RAD51B: variants seen among roughly 807,000 people sequenced by gnomAD.
RAD51B encodes the protein RAD51 paralog B, also known as DNA repair protein RAD51 homolog 2.
RAD51B carries 38 observed loss-of-function variants against 42.2 expected under a neutral mutation model. The observed-to-expected ratio is 0.90, with a 90% CI of 0.70 to 1.18. RAD51B has a LOEUF of 1.18. Ranked by LOEUF, RAD51B falls within the 50% of genes most tolerant of loss-of-function variation. The pLI is 0.00. For missense variants in RAD51B, 373 were observed against 400.7 expected, an observed-to-expected ratio of 0.93 and a Z score of 0.59; for synonymous variants, 154 against 145.2, an observed-to-expected ratio of 1.06 and a Z score of -0.43.
At chr14:68,504,873 G>A (rs1281399955) in intron 10 of RAD51B, among the ~76,000 whole-genome samples, 7 of 151,914 alleles carry the variant, frequency 4.6e-5, no homozygotes, top group African/African-American at 1.7e-4. Context: ...CTCATTTCTT[G>A]TTCTTAATTT....
chr14:68,478,853 T>C (rs1882935047), downstream of RAD51B, among the ~76,000 whole-genome samples: 1 of 152,222 alleles, frequency 6.6e-6, no homozygotes, highest in South Asian at 2.1e-4. Context: ...TCAGTATTTG[T>C]TGAGCGCATA....
intron 7 of RAD51B, among the ~76,000 whole-genome samples, chr14:68,243,445 G>A (rs2080433320): frequency 6.6e-6 from 1 of 151,942 alleles, no homozygotes; most frequent in East Asian, 1.9e-4. Context: ...GAGTAACATC[G>A]CTATTAAATT....
In RAD51B at chr14:68,413,217, G is replaced by A. The variant is rs113056680; in HGVS notation, c.957+1690G>A. Among the ~76,000 whole-genome samples the A allele has an allele frequency of 6.0e-3, 908 of 152,280 alleles. 7 individuals carry two copies. The highest frequency in any genetic ancestry group is 0.02 in the African/African-American group (833 of 41,572). On this transcript the variant is annotated intron_variant, in intron 9 of 10. Transcript: ENST00000471583. ...AGTCAGTGTCAACAGGAAGTAGCTG[G>A]TAGGACAAATGCTATTTTTTATGTC...
intron 7 of RAD51B, among the ~76,000 whole-genome samples, chr14:67,983,896 T>C (rs937854027): frequency 3.3e-5 from 5 of 151,990 alleles, no homozygotes; most frequent in Non-Finnish European, 7.4e-5. Flanking sequence ...AGTTATATAA[T>C]TTAGGCAAGC....
chr14:68,188,244 T>A lies in RAD51B; in HGVS notation c.757-103640T>A, dbSNP rs755358936. Among the ~76,000 whole-genome samples, 125 of 152,188 alleles carry A rather than the reference T, an allele frequency of 8.2e-4. 1 individual carries two copies. Among genetic ancestry groups the A allele is most frequent in the Admixed American group, 1.6e-3 (24 of 15,296 alleles). On this transcript the variant is annotated intron_variant, in intron 7 of 10. Coordinates refer to ENST00000471583, the MANE Select transcript of RAD51B (RefSeq NM_133510.4). ...TAAAAAGGAGAGCTGGATAGTGATT[T>A]CTTTTTTTTTTTCTTTGTTGTTCTT...
intron 6 of RAD51B, 82 bp from the exon 7 acceptor site, chr14:67,886,939 A>C (rs2043077056): frequency 2.3e-6 from 2 of 870,334 alleles, no homozygotes; most frequent in Non-Finnish European, 3.3e-6. Flanking sequence ...TATTGTTTTT[A>C]AGTTGCTTAG....
chr14:67,955,618 T>C (rs1296892391), intron 7 of RAD51B, among the ~76,000 whole-genome samples: 1 of 152,212 alleles, frequency 6.6e-6, no homozygotes, highest in Non-Finnish European at 1.5e-5. Flanking sequence ...ATTTTCAGAA[T>C]TGGTGATGAT....
At chr14:68,264,217 T>G (rs2080941315) in intron 7 of RAD51B, among the ~76,000 whole-genome samples, 1 of 152,256 alleles carries the variant, frequency 6.6e-6, no homozygotes, top group Non-Finnish European at 1.5e-5. Flanking sequence ...CTGTTTTGAC[T>G]AGCTGGTACT....
At chr14:68,432,022 C>T (rs940702744) in intron 9 of RAD51B, among the ~76,000 whole-genome samples, 3 of 152,208 alleles carry the variant, frequency 2.0e-5, no homozygotes, top group African/African-American at 7.2e-5. Flanking sequence ...AGTAGTCATT[C>T]AGCAGCAGGT....
At chr14:68,289,035 T>A (rs1488738881) in intron 7 of RAD51B, among the ~76,000 whole-genome samples, 1 of 152,178 alleles carries the variant, frequency 6.6e-6, no homozygotes, top group Non-Finnish European at 1.5e-5. Flanking sequence ...CACAAATTCT[T>A]TGCAATTAAA....
chr14:68,599,503 A>T (rs1363860187), downstream of RAD51B, among the ~76,000 whole-genome samples: 1 of 152,032 alleles, frequency 6.6e-6, no homozygotes, highest in Non-Finnish European at 1.5e-5. Flanking sequence ...TGACTCTAAG[A>T]CCTAAGAACT....
chr14:68,678,281 AC>A (rs1872822656), intron 11 of RAD51B, among the ~76,000 whole-genome samples: 1 of 151,874 alleles, frequency 6.6e-6, no homozygotes, highest in South Asian at 2.1e-4. Context: ...CTTTGACAAC[AC>A]CCTTACCTCC....
intron 7 of RAD51B, among the ~76,000 whole-genome samples, chr14:67,952,589 T>TAAA (rs1051690188): frequency 2.0e-5 from 3 of 151,790 alleles, no homozygotes; most frequent in African/African-American, 4.8e-5. Context: ...ATGCTATAGC[T>TAAA]GCTTTCTTCA....
At position 67,895,495 on chromosome 14, in the gene RAD51B, T is replaced by C. The variant is rs149095513; in HGVS notation, c.756+8291T>C. ...CATATGGGTACATACCATTGCTACA[T>C]CATTTTCCCAAAGTGTATTTCTGAT... On this transcript the variant is annotated intron_variant, in intron 7 of 10. Coordinates refer to ENST00000471583, the MANE Select transcript of RAD51B (RefSeq NM_133510.4). Among the ~76,000 whole-genome samples, 324 of 152,342 alleles carry C rather than the reference T, an allele frequency of 2.1e-3. 2 individuals are homozygous for C. Among genetic ancestry groups the C allele is most frequent in the Non-Finnish European group, 3.8e-3 (261 of 68,028 alleles).
intron 7 of RAD51B, among the ~76,000 whole-genome samples, chr14:68,272,996 T>C (rs117120978): frequency 0.013 from 1,902 of 152,080 alleles, 17 homozygotes; most frequent in Admixed American, 0.025. Flanking sequence ...ACACTTTCTA[T>C]ATTTTAAAAG....
intron 8 of RAD51B, among the ~76,000 whole-genome samples, chr14:68,292,888 G>A (rs1301748054): frequency 1.3e-5 from 2 of 152,154 alleles, no homozygotes; most frequent in East Asian, 1.9e-4. Context: ...CTTTGTGTAC[G>A]CTCCTTCCAA....
At chr14:68,338,704 G>T in intron 8 of RAD51B, 3 of 269,390 alleles carry the variant, frequency 1.1e-5, no homozygotes, top group Non-Finnish European at 2.2e-5. Context: ...TATTTTTATG[G>T]ACAGAAAACT....
intron 7 of RAD51B, among the ~76,000 whole-genome samples, chr14:68,207,643 G>T (rs1286579755): frequency 6.6e-6 from 1 of 152,142 alleles, no homozygotes; most frequent in Non-Finnish European, 1.5e-5. Context: ...ATTAAGAATA[G>T]CCTGGGGAAA....
At chr14:68,090,521 A>G (rs948955603) in intron 7 of RAD51B, among the ~76,000 whole-genome samples, 18 of 152,156 alleles carry the variant, frequency 1.2e-4, no homozygotes, top group Middle Eastern at 3.4e-3. Context: ...AGAAAAGTTC[A>G]CTTTGATTCT....
Sources: gnomAD v4.1 joint callset for allele counts (sites outside exome capture counted in the v4.1 genomes callset) on GRCh38, gnomAD v4.1.1 for gene constraint, MANE v1.5 for transcripts, NCBI Gene and HGNC (gene_info 2026-07-23, HGNC 2026-07-21) for gene names.